The following ZNF503 variants were observed in gnomAD, a reference collection of about 807,000 sequenced individuals.
ZNF503 encodes NocA-like zinc finger 2.
A neutral mutation model predicts 34.4 loss-of-function variants in ZNF503; 15 were observed. The ratio of observed to expected loss-of-function variants is 0.44; its 90% confidence interval spans 0.29 to 0.67. The LOEUF is 0.67. Ranked by LOEUF, ZNF503 falls within the 30% of genes least tolerant of loss-of-function variation. The pLI, the probability that ZNF503 is intolerant of heterozygous loss-of-function variation, is 0.13. For missense variants in ZNF503, 1,007 were observed against 926.8 expected, an observed-to-expected ratio of 1.09 and a Z score of -1.12; for synonymous variants, 580 against 456.8, an observed-to-expected ratio of 1.27 and a Z score of -3.44.
At chr10:75,317,486 C>G in the ZNF503 span, among the ~76,000 whole-genome samples, 1 of 150,908 alleles carries the variant, frequency 6.6e-6, no homozygotes, top group Admixed American at 6.6e-5. Context: ...GGGGTTTCAC[C>G]GTGTTAGCCA....
At chr10:75,339,396 C>T in the ZNF503 span, among the ~76,000 whole-genome samples, 3 of 152,188 alleles carry the variant, frequency 2.0e-5, no homozygotes, top group South Asian at 2.1e-4. Flanking sequence ...CCAAAGGCAC[C>T]GGGTCACTTG....
chr10:75,328,748 T>TTTC, the ZNF503 span, among the ~76,000 whole-genome samples: 11 of 147,016 alleles, frequency 7.5e-5, no homozygotes, highest in African/African-American at 2.7e-4. Context: ...TGTCTTTTCT[T>TTTC]TTTTTTTTTT....
chr10:75,374,560 G>A, the ZNF503 span, among the ~76,000 whole-genome samples: 4 of 152,084 alleles, frequency 2.6e-5, no homozygotes, highest in Non-Finnish European at 4.4e-5. Flanking sequence ...GGTCAGAGAG[G>A]CCTTTCCTGA....
the ZNF503 span, chr10:75,284,158 G>C: frequency 6.6e-6 from 1 of 152,008 alleles, no homozygotes; most frequent in East Asian, 1.9e-4. Context: ...GCAGAGAGGG[G>C]AGGGAGAAGA....
At chr10:75,280,198 C>G in the ZNF503 span, 1 of 152,100 alleles carries the variant, frequency 6.6e-6, no homozygotes, top group African/African-American at 2.4e-5. Context: ...CCCCAATGGC[C>G]CATCAATTCA....
the ZNF503 span, among the ~76,000 whole-genome samples, chr10:75,299,920 A>G: frequency 6.6e-6 from 1 of 152,230 alleles, no homozygotes; most frequent in South Asian, 2.1e-4. Context: ...CCAGGTTGAA[A>G]TTAAAATTGC....
chr10:75,364,014 C>T, the ZNF503 span, among the ~76,000 whole-genome samples: 1 of 152,200 alleles, frequency 6.6e-6, no homozygotes, highest in Non-Finnish European at 1.5e-5. Context: ...TAGGTGCAAG[C>T]ATTCCACTTT....
chr10:75,369,033 A>G, the ZNF503 span, among the ~76,000 whole-genome samples: 11 of 152,374 alleles, frequency 7.2e-5, no homozygotes, highest in East Asian at 1.9e-4. Flanking sequence ...GCAAACATCA[A>G]TAGGAACAAG....
chr10:75,335,308 C>T, the ZNF503 span, among the ~76,000 whole-genome samples: 6 of 152,052 alleles, frequency 3.9e-5, no homozygotes, highest in African/African-American at 1.4e-4. Context: ...CTAAATTTTC[C>T]TTCCAATTAT....
chr10:75,326,933 C>T, the ZNF503 span, among the ~76,000 whole-genome samples: 4 of 152,138 alleles, frequency 2.6e-5, no homozygotes, highest in African/African-American at 9.7e-5. Context: ...GATCCTCCCA[C>T]CTCGGCCTCC....
chr10:75,401,341 C>T lies in ZNF503; in HGVS notation c.79G>A (p.Gly27Ser). 1 of 1,535,646 alleles carries T rather than the reference C, an allele frequency of 6.5e-7. No homozygotes were observed. The highest frequency in any genetic ancestry group is 8.7e-7 in the Non-Finnish European group (1 of 1,146,800). ...GGGGGGGGGG[G>S]ADPAWTSALS... ...GCGCTGGTCCAGGCAGGGTCTGCAC[C>T]GCCGCCTCCGCCTCCGCCGCCGCCG... Residue 27 changes from glycine to serine, a missense_variant, in exon 1 of 2, where the codon GGT becomes AGT. Gly to Ser is a moderately conservative substitution (Grantham distance 56, BLOSUM62 0). Transcript: ENST00000372524.
the ZNF503 span, among the ~76,000 whole-genome samples, chr10:75,308,427 C>T: frequency 6.6e-6 from 1 of 152,156 alleles, no homozygotes; most frequent in East Asian, 1.9e-4. Context: ...ACACAACAAC[C>T]ATTCTTTAGC....
Position 75,399,368 on chromosome 10 carries a change from A to T in ZNF503, c.1322T>A (p.Leu441Gln), listed in dbSNP as rs1272126979. 1 of 1,606,572 alleles carries T rather than the reference A, an allele frequency of 6.2e-7. No homozygotes were observed. Among genetic ancestry groups the T allele is most frequent in the Non-Finnish European group, 8.5e-7 (1 of 1,178,646 alleles). The part of the protein sequence containing the change: ...YCLSYHCASH[L>Q]AGAAAASASC... The stretch of plus-strand genomic sequence containing the variant: ...AGCGCTGGCGGCCGCCGCCCCTGCC[A>T]GGTGGCTAGCGCAGTGGTAGCTGAG... The change falls in exon 2 of 2, where the codon CTG becomes CAG. Residue 441 changes from leucine (L) to glutamine (Q), a missense_variant. Physicochemically the swap from Leu to Gln is moderately radical, Grantham distance 113 (BLOSUM62 -2). Coordinates refer to ENST00000372524, the MANE Select transcript of ZNF503 (RefSeq NM_032772.6).
At chr10:75,370,984 C>T in the ZNF503 span, among the ~76,000 whole-genome samples, 15 of 152,048 alleles carry the variant, frequency 9.9e-5, no homozygotes, top group South Asian at 2.1e-4. Flanking sequence ...TCCTGGCTTT[C>T]GACTTTTAGA....
At chr10:75,314,236 C>CAAAAAAAAAA in the ZNF503 span, among the ~76,000 whole-genome samples, 1 of 89,808 alleles carries the variant, frequency 1.1e-5, no homozygotes, top group African/African-American at 4.0e-5. Flanking sequence ...GACTCCGTCT[C>CAAAAAAAAAA]AAAAAAAAAA....
downstream of ZNF503, among the ~76,000 whole-genome samples, chr10:75,392,890 C>T (rs768820710): frequency 5.9e-5 from 9 of 152,208 alleles, no homozygotes; most frequent in Non-Finnish European, 1.0e-4. Context: ...TTGAGCCTCA[C>T]TACAGCCCCA....
At chr10:75,357,835 A>G in the ZNF503 span, among the ~76,000 whole-genome samples, 2 of 152,170 alleles carry the variant, frequency 1.3e-5, no homozygotes, top group Admixed American at 1.3e-4. Context: ...CAGGAATTGG[A>G]ATATAACAGG....
chr10:75,396,125 C>A (rs561233329), downstream of ZNF503, among the ~76,000 whole-genome samples: 1 of 152,320 alleles, frequency 6.6e-6, no homozygotes, highest in South Asian at 2.1e-4. The surrounding 1 kb of genome is among the most constrained non-coding windows in gnomAD (Gnocchi z 4.4). Context: ...CACCGCCACG[C>A]GCTCCCGCCC....
the ZNF503 span, among the ~76,000 whole-genome samples, chr10:75,375,742 C>T: frequency 6.6e-6 from 1 of 152,190 alleles, no homozygotes. Flanking sequence ...GTCTTGAACT[C>T]CTGGCCTCAA....
Sources: allele counts gnomAD v4.1 joint callset (sites outside exome capture counted in the v4.1 genomes callset), GRCh38; gene constraint gnomAD v4.1.1; non-coding constraint Gnocchi (gnomAD v3.1); transcripts MANE v1.5; gene names NCBI Gene and HGNC (gene_info 2026-07-23, HGNC 2026-07-21).